Variants in VWC2 observed in about 807,000 individuals in gnomAD.
VWC2 encodes the protein von Willebrand factor C domain containing 2.
A neutral mutation model predicts 29.8 loss-of-function variants in VWC2; 14 were observed. The ratio of observed to expected loss-of-function variants is 0.47; its 90% CI spans 0.31 to 0.74. The LOEUF (loss-of-function observed/expected upper bound fraction) is 0.74. Ranked by LOEUF, VWC2 falls within the 30% of genes least tolerant of loss-of-function variation. The probability of loss-of-function intolerance (pLI) is 0.05; values close to 1 mark genes in which losing one functional copy is unlikely to be tolerated. For synonymous variants in VWC2, 213 were observed against 199.0 expected (o/e 1.07, Z -0.59); for missense variants, 457 against 459.8 (o/e 0.99, Z 0.05).
intron 3 of VWC2, among the ~76,000 whole-genome samples, chr7:49,852,090 G>A (rs1179627293): frequency 6.6e-6 from 1 of 152,208 alleles, no homozygotes; most frequent in Non-Finnish European, 1.5e-5. Context: ...GCCCGACAGA[G>A]GCCAGCAGGC....
At chr7:49,887,401 A>G (rs1791948203) in intron 3 of VWC2, among the ~76,000 whole-genome samples, 1 of 152,252 alleles carries the variant, frequency 6.6e-6, no homozygotes, top group Non-Finnish European at 1.5e-5. Context: ...ACAGACAAAG[A>G]TATTGACATC....
intron 3 of VWC2, among the ~76,000 whole-genome samples, chr7:49,878,819 G>T (rs2128726364): frequency 6.6e-6 from 1 of 152,284 alleles, no homozygotes; most frequent in African/African-American, 2.4e-5. Flanking sequence ...ATAAAGACAT[G>T]TTGGAACACA....
chr7:49,822,978 A>G (rs1789298828), intron 3 of VWC2, among the ~76,000 whole-genome samples: 1 of 152,182 alleles, frequency 6.6e-6, no homozygotes, highest in South Asian at 2.1e-4. Flanking sequence ...TTCATGGATA[A>G]GCCCTTGTGT....
At chr7:49,820,581 A>G (rs150948422) in intron 3 of VWC2, among the ~76,000 whole-genome samples, 4 of 152,326 alleles carry the variant, frequency 2.6e-5, no homozygotes, top group African/African-American at 9.6e-5. Flanking sequence ...GTACTCTTGA[A>G]ATGTTTCATT....
At chr7:49,796,536 G>A (rs1788593172) in intron 2 of VWC2, among the ~76,000 whole-genome samples, 1 of 152,158 alleles carries the variant, frequency 6.6e-6, no homozygotes, top group East Asian at 1.9e-4. Flanking sequence ...AGCTGGATTT[G>A]AGAAAAATAT....
At chr7:49,805,547 T>C (rs1204583376) in intron 3 of VWC2, among the ~76,000 whole-genome samples, 1 of 152,180 alleles carries the variant, frequency 6.6e-6, no homozygotes, top group Non-Finnish European at 1.5e-5. Context: ...ACAGGGAAAA[T>C]GGGGTTTGAA....
intron 3 of VWC2, among the ~76,000 whole-genome samples, chr7:49,845,881 ACACCCACACGTTT>A (rs139695664): frequency 6.6e-6 from 1 of 152,178 alleles, no homozygotes; most frequent in Non-Finnish European, 1.5e-5. Context: ...GTGCGTGTGC[ACACCCACACGTTT>A]CTCATCTTAC....
chr7:49,850,070 A>C (rs978167202), intron 3 of VWC2, among the ~76,000 whole-genome samples: 1 of 152,230 alleles, frequency 6.6e-6, no homozygotes, highest in Non-Finnish European at 1.5e-5. Context: ...GACTAAGCAC[A>C]GTACCACAAC....
At chr7:49,782,186 GC>G (rs1432887718) in intron 2 of VWC2, among the ~76,000 whole-genome samples, 1 of 152,190 alleles carries the variant, frequency 6.6e-6, no homozygotes, top group Non-Finnish European at 1.5e-5. Flanking sequence ...GGGCAGGGCT[GC>G]CCCTTTGGGA....
intron 1 of VWC2, 26 bp from the exon 2 acceptor site, chr7:49,775,307 C>T (rs1414943364): frequency 1.7e-6 from 1 of 574,134 alleles, no homozygotes; most frequent in Non-Finnish European, 2.5e-6. Context: ...CCGCGGGGCT[C>T]AGTTGTGCTG....
chr7:49,909,159 T>C (rs1373328350), intron 3 of VWC2, among the ~76,000 whole-genome samples: 1 of 152,222 alleles, frequency 6.6e-6, no homozygotes, highest in African/African-American at 2.4e-5. Context: ...ACCAGATTTT[T>C]AATCCAGATT....
chr7:49,848,970 G>T (rs1259048277), intron 3 of VWC2, among the ~76,000 whole-genome samples: 3 of 152,186 alleles, frequency 2.0e-5, no homozygotes, highest in Non-Finnish European at 2.9e-5. Context: ...TCTAAACTGT[G>T]GAAAATGTGT....
chr7:49,778,820 A>G lies in VWC2; in HGVS notation c.696+2689A>G, dbSNP rs548597335. Reference sequence around the variant, plus strand: ...GATTGTAGTCTGTAATGTGCATAGCACAAAGTACATGGAAAATGAAAAAGG... The same window carrying G: ...GATTGTAGTCTGTAATGTGCATAGCGCAAAGTACATGGAAAATGAAAAAGG... On this transcript the variant is annotated intron_variant, in intron 2 of 3. Transcript: ENST00000340652. 9.4e-4 allele frequency among the ~76,000 whole-genome samples: 143 copies of G among 152,362 alleles called. 6 individuals carry two copies. In the South Asian group the frequency reaches 0.028, roughly 30 times the overall value.
At chr7:49,860,335 G>A (rs890806680) in intron 3 of VWC2, among the ~76,000 whole-genome samples, 1 of 152,176 alleles carries the variant, frequency 6.6e-6, no homozygotes, top group African/African-American at 2.4e-5. Context: ...TATTTCACAT[G>A]AGTAGACTCA....
intron 3 of VWC2, among the ~76,000 whole-genome samples, chr7:49,866,956 C>T (rs1417507771): frequency 6.6e-6 from 1 of 152,202 alleles, no homozygotes; most frequent in African/African-American, 2.4e-5. Context: ...AGAAGCCCAC[C>T]TGTGTCCTCT....
At chr7:49,818,742 C>A (rs902804253) in intron 3 of VWC2, among the ~76,000 whole-genome samples, 1 of 149,980 alleles carries the variant, frequency 6.7e-6, no homozygotes, top group Non-Finnish European at 1.5e-5. Context: ...ATATGTATAT[C>A]TTCATATAAA....
intron 3 of VWC2, among the ~76,000 whole-genome samples, chr7:49,836,032 TGAATA>T (rs1247384486): frequency 6.6e-6 from 1 of 152,212 alleles, no homozygotes; most frequent in Non-Finnish European, 1.5e-5. Context: ...CAAATGATAA[TGAATA>T]GAAGCCAGAG....
At chr7:49,909,785 G>A (rs1383179997) in intron 3 of VWC2, among the ~76,000 whole-genome samples, 1 of 152,162 alleles carries the variant, frequency 6.6e-6, no homozygotes, top group Admixed American at 6.5e-5. Flanking sequence ...CCTTAGGGCA[G>A]TGTCTGAACA....
chr7:49,898,836 A>T (rs1309091368), intron 3 of VWC2, among the ~76,000 whole-genome samples: 1 of 152,140 alleles, frequency 6.6e-6, no homozygotes, highest in African/African-American at 2.4e-5. Context: ...TAAAAAGTAA[A>T]AAAGGAAATA....
Sources: gnomAD v4.1 joint callset for allele counts (sites outside exome capture counted in the v4.1 genomes callset) on GRCh38, gnomAD v4.1.1 for gene constraint, MANE v1.5 for transcripts, NCBI Gene and HGNC (gene_info 2026-07-23, HGNC 2026-07-21) for gene names.